The following WARS2 variants were observed in gnomAD, a reference collection of about 807,000 sequenced individuals.
WARS2 encodes the protein tryptophan--tRNA ligase, mitochondrial.
WARS2 carries 28 observed loss-of-function variants against 36.5 expected under a neutral mutation model. The ratio of observed to expected loss-of-function variants is 0.77; its 90% confidence interval spans 0.57 to 1.05. WARS2 has a LOEUF of 1.05. Among genes scored for constraint, WARS2 ranks in the 50% least tolerant of loss-of-function variants. The pLI, the probability that WARS2 is intolerant of heterozygous loss-of-function variation, is 0.00. For missense variants in WARS2, 435 were observed against 456.8 expected, an observed-to-expected ratio of 0.95 and a Z score of 0.44; for synonymous variants, 174 against 178.4, an observed-to-expected ratio of 0.98 and a Z score of 0.20.
At chr1:119,098,559 T>C (rs1033345493) in intron 1 of WARS2, among the ~76,000 whole-genome samples, 1 of 151,806 alleles carries the variant, frequency 6.6e-6, no homozygotes, top group Non-Finnish European at 1.5e-5. Context: ...TGCCTCAGCC[T>C]CCCGAGTCGC....
chr1:119,115,555 G>A (rs1242474920), intron 1 of WARS2, among the ~76,000 whole-genome samples: 1 of 152,128 alleles, frequency 6.6e-6, no homozygotes, highest in East Asian at 1.9e-4. Flanking sequence ...GATGGCAAAT[G>A]GAAGAGATCA....
chr1:119,135,743 T>G (rs1022353152), intron 1 of WARS2, among the ~76,000 whole-genome samples: 4 of 115,290 alleles, frequency 3.5e-5, no homozygotes, highest in South Asian at 5.0e-4. Flanking sequence ...GATAGATAGA[T>G]AGATAGATAG....
chr1:119,101,283 A>C (rs994595618), intron 1 of WARS2, among the ~76,000 whole-genome samples: 1 of 152,104 alleles, frequency 6.6e-6, no homozygotes, highest in East Asian at 1.9e-4. Context: ...CATGTAACAA[A>C]ACTTCACATG....
chr1:119,139,324 T>C (rs1417121815), intron 1 of WARS2, among the ~76,000 whole-genome samples: 1 of 152,194 alleles, frequency 6.6e-6, no homozygotes, highest in Non-Finnish European at 1.5e-5. Context: ...GAGGCTCACA[T>C]TAATAAAAAA....
chr1:119,121,226 A>C (rs935366290), intron 1 of WARS2, among the ~76,000 whole-genome samples: 1 of 152,192 alleles, frequency 6.6e-6, no homozygotes, highest in Admixed American at 6.5e-5. Flanking sequence ...TACATAAATC[A>C]GTAGCACTGC....
chr1:119,053,759 C>T (rs1171276425), intron 2 of WARS2, among the ~76,000 whole-genome samples: 1 of 152,116 alleles, frequency 6.6e-6, no homozygotes, highest in Non-Finnish European at 1.5e-5. Flanking sequence ...ACAAAGAACT[C>T]TTAAGGCCAG....
intron 1 of WARS2, among the ~76,000 whole-genome samples, chr1:119,132,273 T>C (rs1656170223): frequency 1.3e-5 from 2 of 152,288 alleles, no homozygotes; most frequent in South Asian, 4.1e-4. Flanking sequence ...AGTCAACTTA[T>C]TGAGTCTGGA....
chr1:119,134,627 C>T (rs1341583), intron 1 of WARS2, among the ~76,000 whole-genome samples: 47,825 of 151,930 alleles, frequency 0.31, 9,516 homozygotes, highest in East Asian at 0.52. Context: ...AGAATATTGT[C>T]AAGAAATGGT....
rs749282492 is a variant in WARS2, at chr1:119,140,561, A to T, written c.84T>A (p.Ala28=). The stretch of plus-strand genomic sequence containing the variant: ...AAGGGCCGTCTTTGGTTACCTGGAG[A>T]GCGGGAGCAGCTGCGGATCCCTTAT... ...ALHKGSAAAP[A]LQKDSKKRVF... is the part of the protein sequence containing the mutation. Residue 28 remains alanine, a synonymous_variant, in exon 1 of 6, where the codon GCT becomes GCA. Coordinates refer to ENST00000235521, the MANE Select transcript of WARS2 (RefSeq NM_015836.4). The T allele has an allele frequency of 1.6e-5, 26 of 1,613,130 alleles. No individual in the cohort carries two copies. Among genetic ancestry groups the T allele is most frequent in the Non-Finnish European group, 2.2e-5 (26 of 1,179,396 alleles).
intron 2 of WARS2, among the ~76,000 whole-genome samples, chr1:119,046,590 T>G (rs1222776233): frequency 1.3e-5 from 2 of 151,312 alleles, no homozygotes; most frequent in Non-Finnish European, 2.9e-5. Context: ...ACTCCTGACC[T>G]CGTGATCCAC....
At chr1:119,116,302 A>G (rs10923752) in intron 1 of WARS2, among the ~76,000 whole-genome samples, 57,789 of 152,004 alleles carry the variant, frequency 0.38, 11,852 homozygotes, top group East Asian at 0.8. Flanking sequence ...TTTACCTTCC[A>G]GGTTCTTCCG....
intron 4 of WARS2, among the ~76,000 whole-genome samples, chr1:119,039,989 A>C (rs537663419): frequency 6.6e-6 from 1 of 152,360 alleles, no homozygotes; most frequent in South Asian, 2.1e-4. Flanking sequence ...AAATGTGTGG[A>C]ACAAAGCAAA....
intron 4 of WARS2, among the ~76,000 whole-genome samples, chr1:119,038,691 T>C (rs530933278): frequency 3.0e-3 from 454 of 152,296 alleles, no homozygotes; most frequent in Non-Finnish European, 5.2e-3. Context: ...TTTTTGTTTT[T>C]ATTTTTTGAG....
chr1:119,104,765 CAA>C (rs35255724), intron 1 of WARS2, among the ~76,000 whole-genome samples: 1 of 119,364 alleles, frequency 8.4e-6, no homozygotes. Context: ...AAGAAGAGGC[CAA>C]AAAAAAAAAA....
At chr1:119,099,882 A>G (rs1305903674) in intron 1 of WARS2, among the ~76,000 whole-genome samples, 2 of 152,234 alleles carry the variant, frequency 1.3e-5, no homozygotes, top group African/African-American at 4.8e-5. Flanking sequence ...TCTCCTGCAC[A>G]CTGGCTAGGC....
chr1:119,099,246 A>G (rs1653684250), intron 1 of WARS2, among the ~76,000 whole-genome samples: 2 of 152,212 alleles, frequency 1.3e-5, no homozygotes, highest in Non-Finnish European at 2.9e-5. Context: ...CAGCAAGGAC[A>G]GAAACACAGC....
intron 1 of WARS2, among the ~76,000 whole-genome samples, chr1:119,087,305 G>A (rs1256396094): frequency 6.6e-6 from 1 of 152,102 alleles, no homozygotes; most frequent in African/African-American, 2.4e-5. Flanking sequence ...AATGTTAACT[G>A]AATCATGACA....
At chr1:119,068,839 T>TCA (rs68192609) in intron 2 of WARS2, among the ~76,000 whole-genome samples, 5 of 133,854 alleles carry the variant, frequency 3.7e-5, no homozygotes, top group Non-Finnish European at 7.9e-5. Context: ...TCTCTCTCTC[T>TCA]CACACACACA....
intron 1 of WARS2, among the ~76,000 whole-genome samples, chr1:119,101,848 G>C (rs1653891570): frequency 6.6e-6 from 1 of 152,128 alleles, no homozygotes; most frequent in Admixed American, 6.5e-5. Context: ...ATGTGTGCTA[G>C]TTCTAACAAC....
Sources: gnomAD v4.1 joint callset for allele counts (sites outside exome capture counted in the v4.1 genomes callset) on GRCh38, gnomAD v4.1.1 for gene constraint, MANE v1.5 for transcripts, NCBI Gene and HGNC (gene_info 2026-07-23, HGNC 2026-07-21) for gene names.